Variants in ABLIM3 observed in about 807,000 individuals in gnomAD.
ABLIM3 encodes actin-binding LIM protein 3.
Under a neutral mutation model 109.5 loss-of-function variants are expected in ABLIM3, and 61 were observed. That is an observed-to-expected ratio of 0.56 (90% CI 0.45 to 0.69). ABLIM3 has a LOEUF of 0.69. Ranked by LOEUF, ABLIM3 falls within the 30% of genes least tolerant of loss-of-function variation. The pLI, the probability that ABLIM3 is intolerant of heterozygous loss-of-function variation, is 0.00. For missense variants in ABLIM3, 796 were observed against 889.5 expected (o/e 0.89, Z 1.34); for synonymous variants, 300 against 324.8 (o/e 0.92, Z 0.82).
chr5:149,157,490 G>A (rs1753958001), intron 2 of ABLIM3, among the ~76,000 whole-genome samples: 1 of 150,642 alleles, frequency 6.6e-6, no homozygotes. Context: ...CATACTAATG[G>A]ACTGTCACCA....
chr5:149,198,645 GAGGATCTGTACCTCTAA>G lies in ABLIM3; in HGVS notation c.335+245_335+261del, dbSNP rs1758210779. Among the ~76,000 whole-genome samples, 1 of 152,222 alleles carries G rather than the reference GAGGATCTGTACCTCTAA, an allele frequency of 6.6e-6. No homozygotes were observed. The highest frequency in any genetic ancestry group is 2.4e-5 in the African/African-American group (1 of 41,444). On this transcript the variant is annotated intron_variant, in intron 4 of 23. Transcript: ENST00000309868. The surrounding 1 kb of genome is among the most constrained non-coding windows in gnomAD (Gnocchi z 4.2). ...GTTTGTCCTGTGATAGAGGCAGAGT[GAGGATCTGTACCTCTAA>G]ACTCAGCCTCCCAATTCCTCTCAAA...
At chr5:149,227,624 C>T (rs1054708909) in intron 8 of ABLIM3, among the ~76,000 whole-genome samples, 2 of 152,114 alleles carry the variant, frequency 1.3e-5, no homozygotes, top group Admixed American at 6.5e-5. Context: ...AGGGAGTTGG[C>T]GTCAGTGGCT....
chr5:149,194,817 G>A (rs541946725), intron 3 of ABLIM3, among the ~76,000 whole-genome samples: 1 of 152,298 alleles, frequency 6.6e-6, no homozygotes, highest in East Asian at 1.9e-4. Flanking sequence ...GGGACGGTAT[G>A]GGACAGAGGT....
intron 5 of ABLIM3, among the ~76,000 whole-genome samples, chr5:149,203,287 A>G (rs958271388): frequency 1.3e-5 from 2 of 149,964 alleles, no homozygotes; most frequent in African/African-American, 4.9e-5. Context: ...AATCACTACC[A>G]TCATCCCCAC....
chr5:149,147,625 C>T (rs1326146082), intron 2 of ABLIM3, among the ~76,000 whole-genome samples: 1 of 152,142 alleles, frequency 6.6e-6, no homozygotes, highest in Non-Finnish European at 1.5e-5. Context: ...GTTCAAGGGT[C>T]ATCTGTATAA....
At chr5:149,188,746 G>A (rs1757211650) in intron 3 of ABLIM3, among the ~76,000 whole-genome samples, 1 of 152,186 alleles carries the variant, frequency 6.6e-6, no homozygotes, top group Admixed American at 6.5e-5. Flanking sequence ...CTAAACACTA[G>A]GATGTTGGAG....
At chr5:149,200,907 G>A (rs564761338) in intron 5 of ABLIM3, among the ~76,000 whole-genome samples, 1 of 152,194 alleles carries the variant, frequency 6.6e-6, no homozygotes, top group East Asian at 1.9e-4. Flanking sequence ...CTTCACTGTG[G>A]GACTTGTAAA....
chr5:149,201,851 C>T (rs1169965301), intron 5 of ABLIM3, among the ~76,000 whole-genome samples: 2 of 151,796 alleles, frequency 1.3e-5, no homozygotes, highest in Non-Finnish European at 2.9e-5. Context: ...GAGCCTGAGT[C>T]GGGAGGCTGC....
intron 2 of ABLIM3, among the ~76,000 whole-genome samples, chr5:149,161,550 T>C (rs1754368864): frequency 6.6e-6 from 1 of 152,212 alleles, no homozygotes; most frequent in Admixed American, 6.5e-5. Flanking sequence ...CACACGTTAA[T>C]TATTGTACCA....
intron 2 of ABLIM3, among the ~76,000 whole-genome samples, chr5:149,173,746 G>C (rs953194035): frequency 6.6e-6 from 1 of 152,202 alleles, no homozygotes; most frequent in African/African-American, 2.4e-5. Flanking sequence ...GAACCGCCGG[G>C]CGCGGTGGCT....
At position 149,234,094 on chromosome 5, in the gene ABLIM3, T is replaced by C. The variant is rs1762123080; in HGVS notation, c.888+794T>C. On this transcript the variant is annotated intron_variant, in intron 10 of 23. Transcript: ENST00000309868. ...ATTGAAGACATAGTGCCATGAATCA[T>C]CAATTGCAGTTATAAATTCCAGGAA... Among the ~76,000 whole-genome samples the C allele has an allele frequency of 2.6e-5, 4 of 152,188 alleles. No homozygotes were observed. In the South Asian group the frequency reaches 8.3e-4, roughly 32 times the overall value.
At chr5:149,239,381 T>G (rs1462807897) in intron 12 of ABLIM3, 104 bp downstream of exon 12, 2 of 1,289,480 alleles carry the variant, frequency 1.6e-6, no homozygotes, top group East Asian at 4.6e-5. Context: ...TTGCCCAAGG[T>G]ATTCCCTGCA....
chr5:149,230,820 A>G (rs1381679008), intron 9 of ABLIM3, 113 bp downstream of exon 9: 3 of 1,198,494 alleles, frequency 2.5e-6, no homozygotes, highest in East Asian at 4.9e-5. Flanking sequence ...GCACACTCCC[A>G]AATGTGTGCC....
At chr5:149,217,509 C>T (rs754344521) in intron 8 of ABLIM3, 58 of 171,418 alleles carry the variant, frequency 3.4e-4, no homozygotes, top group Non-Finnish European at 5.7e-4. Flanking sequence ...TCAGAACACA[C>T]AGAGGAATGA....
chr5:149,212,207 CAG>C (rs1319712026), intron 7 of ABLIM3, among the ~76,000 whole-genome samples: 4 of 152,184 alleles, frequency 2.6e-5, no homozygotes, highest in Admixed American at 6.5e-5. Flanking sequence ...GGAGAATTTT[CAG>C]AGAGAGTCAG....
intron 8 of ABLIM3, among the ~76,000 whole-genome samples, chr5:149,225,503 G>A (rs1236828712): frequency 1.3e-5 from 2 of 152,072 alleles, no homozygotes; most frequent in African/African-American, 4.8e-5. Context: ...TTCCTTTTAT[G>A]GCTGAACAAT....
At chr5:149,217,108 A>T in intron 8 of ABLIM3, 62 bp downstream of exon 8, 1 of 1,458,466 alleles carries the variant, frequency 6.9e-7, no homozygotes, top group South Asian at 1.2e-5. Context: ...AGGAGATGCG[A>T]TCTTCAGGTT....
Position 149,258,414 on chromosome 5 carries a change from C to T in ABLIM3, c.*10C>T. 6.2e-7 allele frequency: 1 copy of T among 1,611,316 alleles called. No individual in the cohort carries two copies. The highest frequency in any genetic ancestry group is 8.5e-7 in the Non-Finnish European group (1 of 1,179,160). ...AGCCCGGCTGTTCTAGGCAGAGGCT[C>T]TATAAATATATATGCATTTATATAA... is the stretch of plus-strand genomic sequence containing the variant. On this transcript the variant is annotated 3_prime_UTR_variant, in exon 24 of 24. Coordinates refer to ENST00000309868, the MANE Select transcript of ABLIM3 (RefSeq NM_014945.5).
At chr5:149,152,426 C>G (rs1753517061) in intron 2 of ABLIM3, among the ~76,000 whole-genome samples, 1 of 152,204 alleles carries the variant, frequency 6.6e-6, no homozygotes, top group South Asian at 2.1e-4. Flanking sequence ...TTAATGTCCT[C>G]ATGAAGTGAG....
Sources: allele counts gnomAD v4.1 joint callset (sites outside exome capture counted in the v4.1 genomes callset), GRCh38; gene constraint gnomAD v4.1.1; non-coding constraint Gnocchi (gnomAD v3.1); transcripts MANE v1.5; gene names NCBI Gene and HGNC (gene_info 2026-07-23, HGNC 2026-07-21).